Variants in KCNK2 observed in about 807,000 individuals in gnomAD.
KCNK2 encodes potassium channel subfamily K member 2.
KCNK2 carries 21 observed loss-of-function variants against 40.5 expected under a neutral mutation model. The ratio of observed to expected loss-of-function variants is 0.52; its 90% confidence interval spans 0.37 to 0.75. KCNK2 has a LOEUF of 0.75. KCNK2 is among the 30% of genes least tolerant of loss of function. The probability of loss-of-function intolerance (pLI) is 0.00; values close to 1 mark genes in which losing one functional copy is unlikely to be tolerated. For synonymous variants in KCNK2, 191 were observed against 202.2 expected, an observed-to-expected ratio of 0.94 and a Z score of 0.47; for missense variants, 399 against 531.6, an observed-to-expected ratio of 0.75 and a Z score of 2.45.
At chr1:215,080,318 G>A (rs6699778), upstream of KCNK2, among the ~76,000 whole-genome samples, 49,439 of 151,980 alleles carry the variant, frequency 0.33, 9,871 homozygotes, top group African/African-American at 0.56. Flanking sequence ...AGGGGGGAAT[G>A]AAAAAGAATA....
intron 6 of KCNK2, among the ~76,000 whole-genome samples, chr1:215,204,834 G>A (rs1219631760): frequency 6.6e-6 from 1 of 152,158 alleles, no homozygotes; most frequent in East Asian, 1.9e-4. Context: ...GAATAATCAA[G>A]TCAGGGATTA....
intron 3 of KCNK2, among the ~76,000 whole-genome samples, chr1:215,153,524 T>G (rs1662775951): frequency 6.6e-6 from 1 of 151,914 alleles, no homozygotes; most frequent in Non-Finnish European, 1.5e-5. Context: ...CATTAGGCCT[T>G]TGCATGCTGT....
chr1:215,038,122 T>C (rs779421244), intron 1 of KCNK2, among the ~76,000 whole-genome samples: 20 of 152,016 alleles, frequency 1.3e-4, no homozygotes, highest in Non-Finnish European at 2.8e-4. Context: ...TTCAACTCTT[T>C]ATCTTTATTT....
At position 215,046,678 on chromosome 1, in the gene KCNK2, C is replaced by T. The variant is rs567165536; in HGVS notation, c.35-39690C>T. Among the ~76,000 whole-genome samples, 3 of 152,078 alleles carry T rather than the reference C, an allele frequency of 2.0e-5. No individual in the cohort carries two copies. In the East Asian group the frequency reaches 5.8e-4, roughly 29 times the overall value. ...ACTTTGTATAAAGATATTATGTCTT[C>T]CTCTTATGTAAAATTTAGAAAAACA... On this transcript the variant is annotated intron_variant, in intron 1 of 6. Transcript: ENST00000391895.
chr1:215,196,907 T>A lies in KCNK2; in HGVS notation c.963+1815T>A, dbSNP rs369415780. Among the ~76,000 whole-genome samples, 65 of 152,304 alleles carry A rather than the reference T, an allele frequency of 4.3e-4. No homozygotes were observed. The South Asian group carries it at 0.013, about 32-fold the overall frequency. ...ATTTGAAAACACATGCACACAAGCA[T>A]GTATTTCTTAAATAAAACAGACTTG... On this transcript the variant is annotated intron_variant, in intron 6 of 6. Coordinates refer to ENST00000444842, the MANE Select transcript of KCNK2 (RefSeq NM_001017425.3).
At chr1:215,011,592 T>A (rs1656390626) in intron 1 of KCNK2, among the ~76,000 whole-genome samples, 1 of 151,546 alleles carries the variant, frequency 6.6e-6, no homozygotes, top group African/African-American at 2.4e-5. Context: ...ATGCCCGGCC[T>A]TGAGTCTGAT....
intron 6 of KCNK2, among the ~76,000 whole-genome samples, chr1:215,198,079 C>T (rs1376832633): frequency 1.3e-5 from 2 of 152,170 alleles, no homozygotes; most frequent in African/African-American, 4.8e-5. Context: ...TCATGACTCT[C>T]AACTGAAAGT....
chr1:215,026,776 A>G (rs1262222236), intron 1 of KCNK2, among the ~76,000 whole-genome samples: 2 of 152,114 alleles, frequency 1.3e-5, no homozygotes, highest in East Asian at 3.8e-4. Context: ...GAAATGAAAC[A>G]TAACTGAATC....
chr1:215,083,789 G>C, intron 1 of KCNK2: 1 of 357,028 alleles, frequency 2.8e-6, no homozygotes, highest in South Asian at 3.8e-5. Flanking sequence ...TGGTGGGACA[G>C]GCAGTGGTGC....
chr1:215,191,285 A>C (rs1435124846), intron 5 of KCNK2, among the ~76,000 whole-genome samples: 2 of 15,036 alleles, frequency 1.3e-4, no homozygotes, highest in Non-Finnish European at 2.6e-3. Flanking sequence ...CTGCATCTCA[A>C]AAAAAAAAAA....
At chr1:215,101,191 A>G (rs10746454) in intron 2 of KCNK2, among the ~76,000 whole-genome samples, 116,527 of 151,920 alleles carry the variant, frequency 0.77, 45,020 homozygotes, top group Non-Finnish European at 0.79. Context: ...TTCTCATGGA[A>G]CTGCTATGCT....
At chr1:215,153,580 A>ATAT (rs1491513780) in intron 3 of KCNK2, among the ~76,000 whole-genome samples, 2 of 104,968 alleles carry the variant, frequency 1.9e-5, no homozygotes, top group Non-Finnish European at 4.5e-5. Flanking sequence ...ATATATATAT[A>ATAT]TTTTTTTTTC....
chr1:215,039,640 A>G (rs767329908), intron 1 of KCNK2, among the ~76,000 whole-genome samples: 10 of 152,168 alleles, frequency 6.6e-5, no homozygotes, highest in Non-Finnish European at 8.8e-5. Context: ...TACCATTAAC[A>G]TTATCCTCAG....
Position 215,086,582 on chromosome 1 carries a change from T to A in KCNK2, c.261T>A (p.His87Gln), listed in dbSNP as rs765337270. ...TGTTCAAAGCATTGGAGCAGCCTCATGAGATTTCACAGAGGACCACCATTG... is the reference window on the plus strand; with the variant it reads ...TGTTCAAAGCATTGGAGCAGCCTCAAGAGATTTCACAGAGGACCACCATTG... ...ATVFKALEQPHEISQRTTIVI... is the reference protein window; with the variant it reads ...ATVFKALEQPQEISQRTTIVI... Residue 87 changes from histidine to glutamine, a missense_variant, in exon 2 of 7, where the codon CAT (histidine) becomes CAA (glutamine). Transcript: ENST00000444842. 1.9e-5 allele frequency: 31 copies of A among 1,610,282 alleles called. No individual in the cohort carries two copies. The highest frequency in any genetic ancestry group is 2.5e-5 in the Non-Finnish European group (30 of 1,176,594).
intron 2 of KCNK2, among the ~76,000 whole-genome samples, chr1:215,102,260 T>A (rs1660254907): frequency 6.6e-6 from 1 of 152,012 alleles, no homozygotes; most frequent in South Asian, 2.1e-4. Flanking sequence ...TGGAAGACAG[T>A]GATATGGATG....
At chr1:215,175,923 C>T (rs1191167632) in intron 5 of KCNK2, among the ~76,000 whole-genome samples, 2 of 152,074 alleles carry the variant, frequency 1.3e-5, no homozygotes, top group African/African-American at 4.8e-5. Context: ...GGATTGATTC[C>T]ATGCCTTGGC....
rs929443660 is a variant in KCNK2, at chr1:215,177,047, G to A, written c.823+4864G>A. On this transcript the variant is annotated intron_variant, in intron 5 of 6. Coordinates refer to ENST00000444842, the MANE Select transcript of KCNK2 (RefSeq NM_001017425.3). ...ATAGTCATTCTGACTGGCATGGAATGGTAGCTCATTGTGGTTTTGATTTGC... is the reference window on the plus strand; with the variant it reads ...ATAGTCATTCTGACTGGCATGGAATAGTAGCTCATTGTGGTTTTGATTTGC... Among the ~76,000 whole-genome samples, 2 of 152,098 alleles carry A rather than the reference G, an allele frequency of 1.3e-5. 1 individual carries two copies. The highest frequency in any genetic ancestry group is 4.1e-4 in the South Asian group (2 of 4,820).
At position 215,177,718 on chromosome 1, in the gene KCNK2, A is replaced by G. The variant is rs980197593; in HGVS notation, c.823+5535A>G. Among the ~76,000 whole-genome samples the G allele has an allele frequency of 2.2e-4, 18 of 81,536 alleles. 1 individual carries two copies. Among genetic ancestry groups the G allele is most frequent in the East Asian group, 6.2e-4 (2 of 3,210 alleles). 53.5% of individuals were successfully genotyped at this position (81,536 alleles called of 152,430 possible). A position where few individuals can be genotyped will look rare whatever the true frequency, so the allele number is the denominator to read the frequency against. ...TTCTGCTCCACTGGCCTATATATAT[A>G]TGTGTATATATATATATATATATTT... is the stretch of plus-strand genomic sequence containing the variant. On this transcript the variant is annotated intron_variant, in intron 5 of 6. Coordinates refer to ENST00000444842, the MANE Select transcript of KCNK2 (RefSeq NM_001017425.3).
rs537857975 is a variant in KCNK2 at position 215,147,653 on chromosome 1, G to A, written c.476-21546G>A. Among the ~76,000 whole-genome samples the A allele has an allele frequency of 3.7e-4, 57 of 152,196 alleles. 1 individual carries two copies. Among genetic ancestry groups the A allele is most frequent in the Middle Eastern group, 3.4e-3 (1 of 294 alleles). On this transcript the variant is annotated intron_variant, in intron 3 of 6. Transcript: ENST00000444842. ...TCGGGACCAGCCTGGCCAACATGGT[G>A]AGACCCTGTCTATACTAACAAAAAC...
Sources: gnomAD v4.1 joint callset for allele counts (sites outside exome capture counted in the v4.1 genomes callset) on GRCh38, gnomAD v4.1.1 for gene constraint, MANE v1.5 for transcripts, NCBI Gene and HGNC (gene_info 2026-07-23, HGNC 2026-07-21) for gene names.